Variants in FAM171B observed in about 807,000 individuals in gnomAD.
The protein encoded by FAM171B is family with sequence similarity 171 member B, also known as protein FAM171B.
Under a neutral mutation model 75.6 loss-of-function variants are expected in FAM171B, and 19 were observed. The ratio of observed to expected loss-of-function variants is 0.25; its 90% CI spans 0.18 to 0.37. FAM171B has a LOEUF of 0.37. FAM171B is among the 10% of genes least tolerant of loss of function. FAM171B has a pLI of 1.00. For missense variants in FAM171B, 848 were observed against 982.4 expected (o/e 0.86, Z 1.83); for synonymous variants, 367 against 361.7 (o/e 1.01, Z -0.17).
intron 2 of FAM171B, among the ~76,000 whole-genome samples, chr2:186,742,589 T>C (rs1690304080): frequency 6.6e-6 from 1 of 152,200 alleles, no homozygotes; most frequent in East Asian, 1.9e-4. Context: ...AATAAAAGTA[T>C]TTCCATGCAA....
At chr2:186,728,357 C>T (rs562044184) in intron 1 of FAM171B, among the ~76,000 whole-genome samples, 51 of 152,192 alleles carry the variant, frequency 3.4e-4, no homozygotes, top group African/African-American at 1.2e-3. Context: ...TTTTTCTTCA[C>T]GTGTTGTTTC....
chr2:186,759,427 C>T (rs997484759), intron 6 of FAM171B, among the ~76,000 whole-genome samples: 5 of 152,020 alleles, frequency 3.3e-5, no homozygotes, highest in African/African-American at 1.2e-4. Context: ...TAATTGTTCT[C>T]CATAGTGACT....
chr2:186,708,819 C>T (rs1181263720), intron 1 of FAM171B, among the ~76,000 whole-genome samples: 3 of 152,064 alleles, frequency 2.0e-5, no homozygotes, highest in East Asian at 1.9e-4. Context: ...CCCAGCAATA[C>T]GTTGTCTAAA....
At chr2:186,718,387 T>C (rs955535237) in intron 1 of FAM171B, among the ~76,000 whole-genome samples, 4 of 152,176 alleles carry the variant, frequency 2.6e-5, no homozygotes, top group African/African-American at 9.7e-5. Flanking sequence ...TCTAAAACTT[T>C]TGTGCTTTTT....
intron 1 of FAM171B, among the ~76,000 whole-genome samples, chr2:186,710,861 G>C (rs1689801124): frequency 6.6e-6 from 1 of 151,640 alleles, no homozygotes; most frequent in Non-Finnish European, 1.5e-5. Context: ...TTTCATATTT[G>C]CTTTATCTCT....
rs566219270 is a variant in FAM171B, at chr2:186,764,110, A to C, written c.*1287A>C. On this transcript the variant is annotated 3_prime_UTR_variant, in exon 8 of 8. Coordinates refer to ENST00000304698, the MANE Select transcript of FAM171B (RefSeq NM_177454.4). Reference sequence around the variant, plus strand: ...AAAAATAAAAGCTCGTTATTCATTAAAATCAACTGATCCCATTTTTCTTAA... The same window carrying C: ...AAAAATAAAAGCTCGTTATTCATTACAATCAACTGATCCCATTTTTCTTAA... 1 of 152,202 alleles carries C rather than the reference A, an allele frequency of 6.6e-6. No individual in the cohort carries two copies. The highest frequency in any genetic ancestry group is 6.6e-5 in the Admixed American group (1 of 15,258). 9.4% of individuals were successfully genotyped at this position (152,202 alleles called of 1,614,324 possible).
At chr2:186,713,696 A>G (rs1689838843) in intron 1 of FAM171B, among the ~76,000 whole-genome samples, 1 of 152,208 alleles carries the variant, frequency 6.6e-6, no homozygotes, top group African/African-American at 2.4e-5. Flanking sequence ...AGAAGTATTA[A>G]AGCATATTGT....
At chr2:186,698,279 C>A (rs982419407) in intron 1 of FAM171B, among the ~76,000 whole-genome samples, 1 of 152,090 alleles carries the variant, frequency 6.6e-6, no homozygotes, top group Non-Finnish European at 1.5e-5. Flanking sequence ...CTTTTCAGTA[C>A]AGAGAAAGCT....
intron 1 of FAM171B, among the ~76,000 whole-genome samples, chr2:186,715,201 G>A (rs778712921): frequency 2.0e-5 from 3 of 152,054 alleles, no homozygotes; most frequent in Non-Finnish European, 4.4e-5. Context: ...GTGTGTGTGT[G>A]TGTGTTTTGT....
Position 186,765,418 on chromosome 2 carries a change from A to G in FAM171B, c.*2595A>G, listed in dbSNP as rs1394095445. 6.6e-6 allele frequency: 1 copy of G among 152,064 alleles called. No individual in the cohort carries two copies. Among genetic ancestry groups the G allele is most frequent in the African/African-American group, 2.4e-5 (1 of 41,434 alleles). 9.4% of individuals were successfully genotyped at this position (152,064 alleles called of 1,614,324 possible). ...TTTGAATACATATTATGATCTTGAG[A>G]CTTTATAAATCAATTTTTATGACTT... On this transcript the variant is annotated 3_prime_UTR_variant, in exon 8 of 8. Transcript: ENST00000304698.
intron 1 of FAM171B, among the ~76,000 whole-genome samples, chr2:186,722,937 AT>A (rs539110290): frequency 2.4e-4 from 37 of 152,174 alleles, no homozygotes; most frequent in African/African-American, 7.9e-4. Flanking sequence ...TTGGGGGAAT[AT>A]TTTTTTGTGG....
At position 186,740,302 on chromosome 2, in the gene FAM171B, G is replaced by T; in HGVS notation, c.313G>T (p.Val105Leu). ...RQYLSQAVVE[V>L]FVNYTKTNST... Reference sequence around the variant, plus strand: ...GTACCTGAGCCAAGCAGTTGTAGAAGTGTTTGTAAACTACACGAAGACAAA... The same window carrying T: ...GTACCTGAGCCAAGCAGTTGTAGAATTGTTTGTAAACTACACGAAGACAAA... The change falls in exon 2 of 8, where the codon GTG becomes TTG. Residue 105 changes from valine (V) to leucine (L), a missense_variant. This residue lies in a region of FAM171B where 665 missense variants were observed against 729.0 expected (regional missense o/e 0.91). Transcript: ENST00000304698. 1 of 1,614,056 alleles carries T rather than the reference G, an allele frequency of 6.2e-7. No individual in the cohort carries two copies. Among genetic ancestry groups the T allele is most frequent in the Non-Finnish European group, 8.5e-7 (1 of 1,179,942 alleles).
rs572864564 is a variant in FAM171B, at chr2:186,699,014, T to G, written c.238+4603T>G. Among the ~76,000 whole-genome samples the G allele has an allele frequency of 9.2e-5, 14 of 152,310 alleles. No homozygotes were observed. The South Asian group carries it at 1.7e-3, about 18-fold the overall frequency. Reference sequence around the variant, plus strand: ...ATTGTGTATATGTATCACATTTGCTTTATCCACTATCTGTTAATGGACACT... The same window carrying G: ...ATTGTGTATATGTATCACATTTGCTGTATCCACTATCTGTTAATGGACACT... On this transcript the variant is annotated intron_variant, in intron 1 of 7. Coordinates refer to ENST00000304698, the MANE Select transcript of FAM171B (RefSeq NM_177454.4).
intron 2 of FAM171B, among the ~76,000 whole-genome samples, chr2:186,742,186 T>C (rs1690298884): frequency 6.6e-6 from 1 of 152,170 alleles, no homozygotes; most frequent in African/African-American, 2.4e-5. Flanking sequence ...CATCTTATTT[T>C]CTGTGTTCAA....
intron 2 of FAM171B, among the ~76,000 whole-genome samples, chr2:186,742,586 G>A (rs940291336): frequency 6.6e-6 from 1 of 151,916 alleles, no homozygotes; most frequent in Admixed American, 6.6e-5. Context: ...AATAATAAAA[G>A]TATTTCCATG....
chr2:186,728,158 A>G (rs1472189838), intron 1 of FAM171B, among the ~76,000 whole-genome samples: 17 of 152,226 alleles, frequency 1.1e-4, no homozygotes, highest in Admixed American at 1.0e-3. Flanking sequence ...TGTTAAAAAA[A>G]TGATAGTGTA....
Position 186,751,261 on chromosome 2 carries a change from T to C in FAM171B, c.852T>C (p.Ser284=), listed in dbSNP as rs143101187. 2.7e-4 allele frequency: 431 copies of C among 1,607,474 alleles called. 1 individual carries two copies. Among genetic ancestry groups the C allele is most frequent in the Admixed American group, 1.3e-3 (79 of 59,854 alleles). ...CTCTTCTACGTCTGAATGATATAAG[T>C]GCAGGGGATCGCATACCTGCTTGGA... ...SLPLLRLNDI[S]AGDRIPAWTF... The change falls in exon 5 of 8, where the codon AGT becomes AGC. Residue 284 remains serine, a synonymous_variant. Transcript: ENST00000304698.
intron 4 of FAM171B, among the ~76,000 whole-genome samples, chr2:186,749,152 C>T (rs1690414620): frequency 6.6e-6 from 1 of 152,196 alleles, no homozygotes; most frequent in Non-Finnish European, 1.5e-5. Flanking sequence ...AGTTAAATAG[C>T]CACATGCAGT....
rs1405513815 is a variant in FAM171B at position 186,751,400 on chromosome 2, T to C, written c.895+96T>C. On this transcript the variant is annotated intron_variant, in intron 5 of 7. Transcript: ENST00000304698. Reference sequence around the variant, plus strand: ...TTAGAACTTGATACAGCTCTAGTTTTTTAGTAACATCACAAATGTATTTGT... The same window carrying C: ...TTAGAACTTGATACAGCTCTAGTTTCTTAGTAACATCACAAATGTATTTGT... 6 of 1,119,606 alleles carry C rather than the reference T, an allele frequency of 5.4e-6. No individual in the cohort carries two copies. The Admixed American group carries it at 1.9e-4, about 35-fold the overall frequency. 69.4% of individuals were successfully genotyped at this position (1,119,606 alleles called of 1,614,324 possible). A position where few individuals can be genotyped will look rare whatever the true frequency, so the allele number is the denominator to read the frequency against.
Sources: allele counts gnomAD v4.1 joint callset (sites outside exome capture counted in the v4.1 genomes callset), GRCh38; gene constraint gnomAD v4.1.1; regional missense constraint gnomAD v4.1.1; transcripts MANE v1.5; gene names NCBI Gene and HGNC (gene_info 2026-07-23, HGNC 2026-07-21).